MACROD2: variants seen among roughly 807,000 people sequenced by gnomAD.
MACROD2 encodes the protein ADP-ribose glycohydrolase MACROD2.
In MACROD2, 36 loss-of-function variants were observed where a neutral mutation model predicts 70.4. The observed-to-expected ratio is 0.51, with a 90% confidence interval of 0.39 to 0.68. The LOEUF is 0.68. Ranked by LOEUF, MACROD2 falls within the 30% of genes least tolerant of loss-of-function variation. The probability of loss-of-function intolerance (pLI) is 0.00; values close to 1 mark genes in which losing one functional copy is unlikely to be tolerated. For synonymous variants in MACROD2, 172 were observed against 178.8 expected, an observed-to-expected ratio of 0.96 and a Z score of 0.30; for missense variants, 496 against 538.4, an observed-to-expected ratio of 0.92 and a Z score of 0.78.
chr20:16,016,779 C>A (rs796926702), intron 15 of MACROD2, among the ~76,000 whole-genome samples: 6 of 152,266 alleles, frequency 3.9e-5, no homozygotes, highest in African/African-American at 1.4e-4. Flanking sequence ...CTTTTAATAT[C>A]CGCTTCCTCA....
intron 8 of MACROD2, among the ~76,000 whole-genome samples, chr20:15,605,190 T>C (rs144569960): frequency 1.5e-4 from 23 of 152,364 alleles, no homozygotes; most frequent in African/African-American, 5.5e-4. Flanking sequence ...AGGCAACTTA[T>C]GTGTAGTCCA....
intron 2 of MACROD2, among the ~76,000 whole-genome samples, chr20:14,025,929 A>G (rs1165073809): frequency 6.6e-6 from 1 of 152,164 alleles, no homozygotes; most frequent in Non-Finnish European, 1.5e-5. Flanking sequence ...GATCTGTCTA[A>G]TATTGACAGT....
At chr20:14,515,907 G>T (rs2085092434) in intron 4 of MACROD2, among the ~76,000 whole-genome samples, 1 of 150,480 alleles carries the variant, frequency 6.6e-6, no homozygotes, top group South Asian at 2.1e-4. Context: ...TAATTAGCTT[G>T]ATCTTTCTAC....
intron 8 of MACROD2, among the ~76,000 whole-genome samples, chr20:15,843,211 T>A (rs923781561): frequency 2.6e-5 from 4 of 152,182 alleles, no homozygotes; most frequent in African/African-American, 9.7e-5. Context: ...ATTATATGCA[T>A]TTATCATCAC....
chr20:15,611,224 G>T (rs77377746), intron 8 of MACROD2, among the ~76,000 whole-genome samples: 1 of 151,792 alleles, frequency 6.6e-6, no homozygotes, highest in African/African-American at 2.4e-5. Context: ...AACCTTTAGG[G>T]TAGATAGCAA....
intron 8 of MACROD2, among the ~76,000 whole-genome samples, chr20:15,685,416 T>G (rs963848694): frequency 4.6e-5 from 7 of 152,122 alleles, no homozygotes; most frequent in African/African-American, 1.7e-4. Flanking sequence ...AACCAGGAGG[T>G]GAACACAGAT....
In MACROD2 at chr20:14,841,368, T is replaced by C. The variant is rs889765261; in HGVS notation, c.418+156409T>C. Among the ~76,000 whole-genome samples the C allele has an allele frequency of 3.3e-5, 5 of 152,178 alleles. No homozygotes were observed. In the East Asian group the frequency reaches 9.6e-4, roughly 29 times the overall value. On this transcript the variant is annotated intron_variant, in intron 5 of 17. Coordinates refer to ENST00000684519, the MANE Select transcript of MACROD2 (RefSeq NM_001351661.2). ...TTTGTAATTTGTTCTAATAGAAACT[T>C]TCCACTGAGGTGAGGGGCAAGGGGA...
At chr20:15,577,994 C>T (rs1332450381) in intron 8 of MACROD2, among the ~76,000 whole-genome samples, 1 of 152,154 alleles carries the variant, frequency 6.6e-6, no homozygotes, top group Non-Finnish European at 1.5e-5. Context: ...CAGAATCTGT[C>T]TCTGATGACT....
At chr20:15,176,001 C>T (rs981033988) in intron 5 of MACROD2, among the ~76,000 whole-genome samples, 1 of 152,238 alleles carries the variant, frequency 6.6e-6, no homozygotes, top group Middle Eastern at 3.2e-3. Flanking sequence ...TGCTTCTGCC[C>T]CCTGGCCTCT....
chr20:14,461,311 T>G (rs575293652), intron 3 of MACROD2, among the ~76,000 whole-genome samples: 2 of 152,224 alleles, frequency 1.3e-5, no homozygotes, highest in Non-Finnish European at 2.9e-5. Context: ...TTGATTCTTC[T>G]GTCTTTTCTT....
chr20:14,607,739 T>C (rs951305881), intron 4 of MACROD2, among the ~76,000 whole-genome samples: 1 of 152,192 alleles, frequency 6.6e-6, no homozygotes, highest in South Asian at 2.1e-4. Context: ...CTGGAGCCAC[T>C]TTATGAATCA....
chr20:14,254,995 C>A (rs918347841), intron 3 of MACROD2, among the ~76,000 whole-genome samples: 3 of 152,064 alleles, frequency 2.0e-5, no homozygotes, highest in African/African-American at 7.2e-5. Flanking sequence ...TTCTCCTTCA[C>A]TTATGAAGCT....
At chr20:15,413,655 A>G (rs1159860931) in intron 6 of MACROD2, among the ~76,000 whole-genome samples, 1 of 152,170 alleles carries the variant, frequency 6.6e-6, no homozygotes, top group Admixed American at 6.5e-5. Context: ...TTATCTGGTG[A>G]TTTATGGTTC....
chr20:15,545,195 A>C (rs1164239052), intron 8 of MACROD2, among the ~76,000 whole-genome samples: 1 of 152,170 alleles, frequency 6.6e-6, no homozygotes, highest in Admixed American at 6.5e-5. Flanking sequence ...TTCTGAGAAA[A>C]TTATGATGTT....
At chr20:15,152,992 G>T (rs1362209383) in intron 5 of MACROD2, among the ~76,000 whole-genome samples, 2 of 152,126 alleles carry the variant, frequency 1.3e-5, no homozygotes, top group Admixed American at 1.3e-4. Context: ...AGAGTAAAAA[G>T]AGGCCGCTTA....
At chr20:15,137,283 ACG>A (rs2076156531) in intron 5 of MACROD2, among the ~76,000 whole-genome samples, 1 of 151,978 alleles carries the variant, frequency 6.6e-6, no homozygotes, top group African/African-American at 2.4e-5. Context: ...GGCACTATTC[ACG>A]ATAGCAAAGA....
chr20:14,593,165 A>G (rs78072166), intron 4 of MACROD2, among the ~76,000 whole-genome samples: 1 of 150,394 alleles, frequency 6.6e-6, no homozygotes, highest in African/African-American at 2.4e-5. Context: ...TAAAACTTTT[A>G]AATTCTTTTA....
chr20:15,997,336 A>G (rs958777376), intron 15 of MACROD2, among the ~76,000 whole-genome samples: 2 of 152,178 alleles, frequency 1.3e-5, no homozygotes, highest in African/African-American at 2.4e-5. Flanking sequence ...ATTCATAAGT[A>G]TGGAATATCT....
intron 8 of MACROD2, among the ~76,000 whole-genome samples, chr20:15,653,213 C>T (rs987176074): frequency 2.6e-5 from 4 of 152,198 alleles, no homozygotes; most frequent in African/African-American, 9.6e-5. Context: ...CAGATTAGCA[C>T]TCTCTTTATT....
Sources: allele counts gnomAD v4.1 joint callset (sites outside exome capture counted in the v4.1 genomes callset), GRCh38; gene constraint gnomAD v4.1.1; transcripts MANE v1.5; gene names NCBI Gene and HGNC (gene_info 2026-07-23, HGNC 2026-07-21).